ATRNL1: variants seen among roughly 807,000 people sequenced by gnomAD.
ATRNL1 encodes the protein attractin-like protein 1.
Under a neutral mutation model 182.7 loss-of-function variants are expected in ATRNL1, and 95 were observed. That is an observed-to-expected ratio of 0.52 (90% CI 0.44 to 0.62). The LOEUF (loss-of-function observed/expected upper bound fraction) is 0.62, where lower values mean the gene tolerates loss of function less well. Among genes scored for constraint, ATRNL1 ranks in the 20% least tolerant of loss-of-function variants. ATRNL1 has a pLI of 0.00. For missense variants in ATRNL1, 1,471 were observed against 1,679.5 expected (o/e 0.88, Z 2.17); for synonymous variants, 576 against 568.3 (o/e 1.01, Z -0.19).
intron 26 of ATRNL1, among the ~76,000 whole-genome samples, chr10:115,553,214 AT>A (rs1565159090): frequency 6.6e-6 from 1 of 151,096 alleles, no homozygotes; most frequent in African/African-American, 2.4e-5. Flanking sequence ...CAAGAAGTTA[AT>A]TTTTTTCCAT....
intron 9 of ATRNL1, among the ~76,000 whole-genome samples, chr10:115,236,477 G>A (rs782470723): frequency 1.3e-5 from 2 of 152,162 alleles, no homozygotes; most frequent in Admixed American, 1.3e-4. Context: ...ATTTTTGTAT[G>A]TGAAGTATGA....
intron 27 of ATRNL1, among the ~76,000 whole-genome samples, chr10:115,815,423 G>A (rs1589544739): frequency 6.6e-6 from 1 of 150,688 alleles, no homozygotes; most frequent in African/African-American, 2.4e-5. Flanking sequence ...GTATGTGTGT[G>A]TGTGTGTGTG....
At position 115,492,644 on chromosome 10, in the gene ATRNL1, A is replaced by ATTTT. The variant is rs10677710; in HGVS notation, c.3654+23329_3654+23332dup. 7.1e-4 allele frequency among the ~76,000 whole-genome samples: 86 copies of ATTTT among 121,850 alleles called. 2 individuals carry two copies. Among genetic ancestry groups the ATTTT allele is most frequent in the African/African-American group, 1.5e-3 (48 of 31,204 alleles). The allele number at this position is 121,850 out of a possible 152,430, so 79.9% of individuals were successfully genotyped here. On this transcript the variant is annotated intron_variant, in intron 24 of 28. Transcript: ENST00000355044. The stretch of plus-strand genomic sequence containing the variant: ...TAATTCTTTCATTTTTACTAAAGTG[A>ATTTT]TTTTTTTTTTTTTTTTTGAGATGGG...
At chr10:115,864,563 A>G (rs1424607898) in intron 28 of ATRNL1, among the ~76,000 whole-genome samples, 2 of 152,232 alleles carry the variant, frequency 1.3e-5, no homozygotes, top group Non-Finnish European at 2.9e-5. Flanking sequence ...ACTTATCCAA[A>G]TGATCAAGGT....
At chr10:115,457,474 C>T (rs781899324) in intron 21 of ATRNL1, among the ~76,000 whole-genome samples, 2 of 151,958 alleles carry the variant, frequency 1.3e-5, no homozygotes, top group Non-Finnish European at 2.9e-5. Context: ...TGGCTTTCAC[C>T]GGGGACCTGT....
chr10:115,096,526 C>T, intron 1 of ATRNL1: 1 of 505,412 alleles, frequency 2.0e-6, no homozygotes, highest in Non-Finnish European at 3.3e-6. Context: ...AAATCTTTTT[C>T]TAAACTGAAG....
chr10:115,581,185 A>C (rs1345080565), intron 26 of ATRNL1, among the ~76,000 whole-genome samples: 1 of 152,184 alleles, frequency 6.6e-6, no homozygotes, highest in Non-Finnish European at 1.5e-5. Flanking sequence ...AATGTACCTC[A>C]CTAATCAATT....
intron 27 of ATRNL1, among the ~76,000 whole-genome samples, chr10:115,838,184 G>T (rs1555096075): frequency 6.6e-6 from 1 of 152,118 alleles, no homozygotes; most frequent in African/African-American, 2.4e-5. Context: ...ATTTGGGTCT[G>T]CTGAAGTATT....
intron 27 of ATRNL1, among the ~76,000 whole-genome samples, chr10:115,801,730 A>G (rs1949797566): frequency 6.6e-6 from 1 of 152,172 alleles, no homozygotes. Flanking sequence ...ACATGATTTT[A>G]CTATTCCAAG....
At chr10:115,615,628 G>A (rs1216892668) in intron 26 of ATRNL1, among the ~76,000 whole-genome samples, 1 of 152,096 alleles carries the variant, frequency 6.6e-6, no homozygotes, top group Non-Finnish European at 1.5e-5. Context: ...GATCATGGCG[G>A]TAGATTCCCC....
intron 20 of ATRNL1, among the ~76,000 whole-genome samples, chr10:115,412,206 C>G (rs1554960054): frequency 1.3e-5 from 2 of 152,058 alleles, no homozygotes; most frequent in African/African-American, 4.8e-5. Context: ...CCTCTAGCAG[C>G]TGAGGATAGC....
intron 24 of ATRNL1, among the ~76,000 whole-genome samples, chr10:115,506,466 T>C (rs1376045373): frequency 6.6e-6 from 1 of 151,900 alleles, no homozygotes; most frequent in Non-Finnish European, 1.5e-5. Context: ...TTTAGCTACT[T>C]ACCTAGGGAT....
chr10:115,475,167 T>A (rs1848475821), intron 24 of ATRNL1, among the ~76,000 whole-genome samples: 1 of 151,550 alleles, frequency 6.6e-6, no homozygotes, highest in African/African-American at 2.4e-5. Context: ...CTTTTTCCAC[T>A]TGCATCTAGA....
At chr10:115,472,062 A>G (rs1848333286) in intron 24 of ATRNL1, among the ~76,000 whole-genome samples, 1 of 150,944 alleles carries the variant, frequency 6.6e-6, no homozygotes. Flanking sequence ...CATCTTCTGC[A>G]TATTGATATC....
At chr10:115,620,001 C>T (rs537696060) in intron 26 of ATRNL1, among the ~76,000 whole-genome samples, 78 of 152,196 alleles carry the variant, frequency 5.1e-4, no homozygotes, top group African/African-American at 1.8e-3. Flanking sequence ...TTTAATTAGT[C>T]GTTTTGTTAA....
At chr10:115,173,034 C>T (rs1847356030) in intron 8 of ATRNL1, among the ~76,000 whole-genome samples, 1 of 151,868 alleles carries the variant, frequency 6.6e-6, no homozygotes, top group South Asian at 2.1e-4. Flanking sequence ...TCATCACTCG[C>T]AATTGATGAC....
At chr10:115,128,684 A>G (rs576246770) in intron 4 of ATRNL1, among the ~76,000 whole-genome samples, 71 of 152,126 alleles carry the variant, frequency 4.7e-4, no homozygotes, top group Non-Finnish European at 9.0e-4. Flanking sequence ...AAAATTAGCC[A>G]GGCATGGTGG....
chr10:115,446,903 G>T (rs1554966799), intron 21 of ATRNL1, among the ~76,000 whole-genome samples: 3 of 151,812 alleles, frequency 2.0e-5, no homozygotes. Flanking sequence ...TATGAAAGGT[G>T]GTTTGCTGAT....
At chr10:115,432,529 C>A (rs1425640287) in intron 21 of ATRNL1, among the ~76,000 whole-genome samples, 2 of 152,042 alleles carry the variant, frequency 1.3e-5, no homozygotes, top group Admixed American at 1.3e-4. Context: ...AAGATTAGAT[C>A]GAAATTTAAG....
Sources: gnomAD v4.1 joint callset for allele counts (sites outside exome capture counted in the v4.1 genomes callset) on GRCh38, gnomAD v4.1.1 for gene constraint, MANE v1.5 for transcripts, NCBI Gene and HGNC (gene_info 2026-07-23, HGNC 2026-07-21) for gene names.